CDV3: variants seen among roughly 807,000 people sequenced by gnomAD.
CDV3 encodes protein CDV3 homolog.
Under a neutral mutation model 24.5 loss-of-function variants are expected in CDV3, and 14 were observed. The ratio of observed to expected loss-of-function variants is 0.57; its 90% CI spans 0.38 to 0.89. The LOEUF is 0.89. CDV3 is among the 40% of genes least tolerant of loss of function. CDV3 has a pLI of 0.00. For synonymous variants in CDV3, 114 were observed against 114.1 expected (o/e 1.00, Z 0.00); for missense variants, 304 against 310.2 (o/e 0.98, Z 0.15).
chr3:133,586,348 G>A (rs539234935), intron 3 of CDV3, among the ~76,000 whole-genome samples: 10 of 152,096 alleles, frequency 6.6e-5, no homozygotes, highest in African/African-American at 2.2e-4. Context: ...CACCCACCTC[G>A]GCCTCCCAAA....
At chr3:133,575,273 T>C (rs2074763207) in intron 2 of CDV3, among the ~76,000 whole-genome samples, 158 bp downstream of exon 2, 1 of 152,248 alleles carries the variant, frequency 6.6e-6, no homozygotes, top group South Asian at 2.1e-4. Flanking sequence ...TCTCACTCCA[T>C]GGAGGCAGCC....
Position 133,588,341 on chromosome 3 carries a change from T to A in CDV3, c.*295T>A. 1 of 1,536,292 alleles carries A rather than the reference T, an allele frequency of 6.5e-7. No individual in the cohort carries two copies. Among genetic ancestry groups the A allele is most frequent in the Non-Finnish European group, 8.7e-7 (1 of 1,146,866 alleles). ...GCAGCCAGTGGTCATTTCAAAATCT[T>A]TTTATGTTCAGATACTGAGCCTTCA... On this transcript the variant is annotated 3_prime_UTR_variant, in exon 5 of 5. Coordinates refer to ENST00000264993, the MANE Select transcript of CDV3 (RefSeq NM_017548.5).
intron 2 of CDV3, among the ~76,000 whole-genome samples, chr3:133,580,035 T>C (rs776356557): frequency 3.3e-5 from 5 of 152,242 alleles, no homozygotes; most frequent in Admixed American, 6.5e-5. Flanking sequence ...GTTTGTTACA[T>C]AGGTATATAT....
At chr3:133,577,936 C>T (rs2074876670) in intron 2 of CDV3, among the ~76,000 whole-genome samples, 1 of 152,164 alleles carries the variant, frequency 6.6e-6, no homozygotes, top group South Asian at 2.1e-4. Context: ...ATAAAGGAGG[C>T]TGTCATTTGA....
intron 2 of CDV3, among the ~76,000 whole-genome samples, chr3:133,577,150 C>G (rs2074846843): frequency 6.6e-6 from 1 of 151,820 alleles, no homozygotes; most frequent in African/African-American, 2.4e-5. Context: ...CCGGCCTAGA[C>G]TAGCTTTTAT....
intron 3 of CDV3, 72 bp downstream of exon 3, chr3:133,584,222 T>TA: frequency 2.6e-6 from 3 of 1,138,292 alleles, no homozygotes; most frequent in Non-Finnish European, 3.8e-6. Flanking sequence ...CACTTTCAAC[T>TA]AAGTGCATGA....
intron 2 of CDV3, among the ~76,000 whole-genome samples, chr3:133,582,095 C>G (rs941575042): frequency 6.6e-6 from 1 of 152,144 alleles, no homozygotes; most frequent in Non-Finnish European, 1.5e-5. Context: ...CATTGTCACT[C>G]TAGCCTCCAA....
rs2074752340 is a variant in CDV3, at chr3:133,575,083, C to T, written c.285C>T (p.Tyr95=). The T allele has an allele frequency of 1.9e-6, 3 of 1,602,202 alleles. No individual in the cohort carries two copies. The highest frequency in any genetic ancestry group is 8.6e-7 in the Non-Finnish European group (1 of 1,169,186). Residue 95 remains tyrosine, a synonymous_variant, in exon 2 of 5, where the codon TAC becomes TAT. Transcript: ENST00000264993. ...AATTGGAGCAAAAAGAGGTTGATTA[C>T]AGCGGCCTCAGGGTTCAGGCAATGC... is the stretch of plus-strand genomic sequence containing the variant. The part of the protein sequence containing the change: ...WKELEQKEVD[Y]SGLRVQAMQI...
At chr3:133,587,027 A>C (rs1933674192) in intron 4 of CDV3, 1 of 495,220 alleles carries the variant, frequency 2.0e-6, no homozygotes, top group Non-Finnish European at 3.6e-6. Context: ...TTTATAATTA[A>C]GTGGCTTTTG....
At chr3:133,586,914 A>G (rs1036442973) in intron 4 of CDV3, among the ~76,000 whole-genome samples, 192 bp downstream of exon 4, 1 of 152,244 alleles carries the variant, frequency 6.6e-6, no homozygotes, top group Non-Finnish European at 1.5e-5. Flanking sequence ...GGGGGAGGGC[A>G]AAGAGCATTG....
chr3:133,574,364 G>A (rs2107685841), intron 1 of CDV3, 80 bp downstream of exon 1: 1 of 920,646 alleles, frequency 1.1e-6, no homozygotes, highest in South Asian at 5.0e-5. Context: ...TGCCGGGGAA[G>A]CGTCCGGGAG....
chr3:133,576,659 C>T (rs2074818914), intron 2 of CDV3, among the ~76,000 whole-genome samples: 1 of 152,052 alleles, frequency 6.6e-6, no homozygotes, highest in Non-Finnish European at 1.5e-5. Context: ...CTGTGTTTTT[C>T]TGTTACTGAC....
chr3:133,587,834 G>A (rs34062652), intron 4 of CDV3, 62 bp from the exon 5 acceptor site: 18,768 of 1,523,622 alleles, frequency 0.012, 295 homozygotes, highest in African/African-American at 0.063. Context: ...ATTCAAGGAC[G>A]AATATTTTCA....
chr3:133,586,118 C>T (rs1160542803), intron 3 of CDV3, among the ~76,000 whole-genome samples: 3 of 151,964 alleles, frequency 2.0e-5, no homozygotes, highest in Non-Finnish European at 2.9e-5. Flanking sequence ...TTTTGAGAGC[C>T]GGAGTCTCCT....
At chr3:133,574,572 G>C (rs1226301317) in intron 1 of CDV3, 2 of 990,102 alleles carry the variant, frequency 2.0e-6, no homozygotes, top group Middle Eastern at 5.2e-4. Flanking sequence ...GCAGTGCCCA[G>C]CACAGAGCAG....
In CDV3 at chr3:133,588,604, C is replaced by T. The variant is rs549131492; in HGVS notation, c.*558C>T. On this transcript the variant is annotated 3_prime_UTR_variant, in exon 5 of 5. Coordinates refer to ENST00000264993, the MANE Select transcript of CDV3 (RefSeq NM_017548.5). The stretch of plus-strand genomic sequence containing the variant: ...CTGTGCCCTACCCTTAAGGAATACT[C>T]TCTGTAGTAGGCTGTTGTTATATTA... 42 of 584,950 alleles carry T rather than the reference C, an allele frequency of 7.2e-5. No individual in the cohort carries two copies. Among genetic ancestry groups the T allele is most frequent in the African/African-American group, 6.0e-4 (32 of 53,704 alleles). 36.2% of individuals were successfully genotyped at this position (584,950 alleles called of 1,614,324 possible). A position where few individuals can be genotyped will look rare whatever the true frequency, so the allele number is the denominator to read the frequency against.
In CDV3 at chr3:133,574,070, T is replaced by C; in HGVS notation, c.26T>C (p.Leu9Pro). The C allele has an allele frequency of 1.6e-6, 2 of 1,233,652 alleles. No homozygotes were observed. Among genetic ancestry groups the C allele is most frequent in the Non-Finnish European group, 2.1e-6 (2 of 962,688 alleles). 76.4% of individuals were successfully genotyped at this position (1,233,652 alleles called of 1,614,324 possible). ...ATGGCTGAGACGGAGGAGCGGAGCC[T>C]GGACAACTTCTTTGCCAAGAGGGAC... MAETEERS[L>P]DNFFAKRDKK... Residue 9 changes from leucine (L) to proline (P), a missense_variant, in exon 1 of 5, where the codon CTG (leucine) becomes CCG (proline). By Grantham distance (98) the Leu-to-Pro change is moderately conservative. Around this residue, in one of 3 missense-constraint regions of CDV3, gnomAD observed 219 missense variants for 203.6 expected, o/e 1.08. Transcript: ENST00000264993.
At chr3:133,584,779 A>G (rs552254827) in intron 3 of CDV3, among the ~76,000 whole-genome samples, 52 of 152,308 alleles carry the variant, frequency 3.4e-4, no homozygotes, top group African/African-American at 1.3e-3. Flanking sequence ...TTCTTATGGA[A>G]TGAAGGAATC....
At position 133,583,291 on chromosome 3, in the gene CDV3, C is replaced by T. The variant is rs112368467; in HGVS notation, c.318-711C>T. Among the ~76,000 whole-genome samples, 11 of 152,214 alleles carry T rather than the reference C, an allele frequency of 7.2e-5. 1 individual carries two copies. Among genetic ancestry groups the T allele is most frequent in the African/African-American group, 2.2e-4 (9 of 41,526 alleles). ...TCTAATTCTGAGAGTATTTTATGTG[C>T]GAAAGGATTGGCAAATAAAATTATA... On this transcript the variant is annotated intron_variant, in intron 2 of 4. Coordinates refer to ENST00000264993, the MANE Select transcript of CDV3 (RefSeq NM_017548.5).
Sources: gnomAD v4.1 joint callset for allele counts (sites outside exome capture counted in the v4.1 genomes callset) on GRCh38, gnomAD v4.1.1 for gene constraint, gnomAD v4.1.1 regional missense constraint, MANE v1.5 for transcripts, NCBI Gene and HGNC (gene_info 2026-07-23, HGNC 2026-07-21) for gene names.